The following NAV3 variants were observed in gnomAD, a reference collection of about 807,000 sequenced individuals.
NAV3 encodes the protein neuron navigator 3.
In NAV3, 87 loss-of-function variants were observed where a neutral mutation model predicts 244.7. The ratio of observed to expected loss-of-function variants is 0.36; its 90% CI spans 0.30 to 0.42. NAV3 has a LOEUF of 0.42. NAV3 is among the 20% of genes least tolerant of loss of function. The probability of loss-of-function intolerance (pLI) is 1.00; values close to 1 mark genes in which losing one functional copy is unlikely to be tolerated. For missense variants in NAV3, 2,663 were observed against 2,893.3 expected, an observed-to-expected ratio of 0.92 and a Z score of 1.83; for synonymous variants, 1,126 against 1,042.2, an observed-to-expected ratio of 1.08 and a Z score of -1.55.
chr12:77,958,857 T>C (rs1891609895), intron 3 of NAV3, among the ~76,000 whole-genome samples: 1 of 152,228 alleles, frequency 6.6e-6, no homozygotes, highest in Admixed American at 6.5e-5. Flanking sequence ...CCTGACATAA[T>C]AATAGCAAGT....
intron 3 of NAV3, among the ~76,000 whole-genome samples, chr12:77,964,261 G>T (rs1019497293): frequency 6.6e-6 from 1 of 152,038 alleles, no homozygotes; most frequent in African/African-American, 2.4e-5. Flanking sequence ...GAGCTAATCT[G>T]TTCATGTATA....
rs576234860 is a variant in NAV3, at chr12:77,767,001, G to A, written c.73-173318G>A. Among the ~76,000 whole-genome samples the A allele has an allele frequency of 1.4e-4, 21 of 152,012 alleles. No homozygotes were observed. In the South Asian group the frequency reaches 3.3e-3, roughly 24 times the overall value. ...ACTCCTGACCTCAGGTGATCAGCCC[G>A]CCTTGGCCTCCCAGTGCTGAGATTA... On this transcript the variant is annotated intron_variant, in intron 2 of 8. Transcript: ENST00000550042.
intron 3 of NAV3, among the ~76,000 whole-genome samples, chr12:77,958,092 T>G (rs1396924760): frequency 1.3e-5 from 2 of 152,176 alleles, no homozygotes; most frequent in Non-Finnish European, 2.9e-5. Context: ...TATGTGAAGG[T>G]GATGAAAATT....
intron 6 of NAV3, among the ~76,000 whole-genome samples, chr12:77,996,560 G>T (rs1397222102): frequency 6.6e-6 from 1 of 151,596 alleles, no homozygotes; most frequent in Non-Finnish European, 1.5e-5. Context: ...GTTAGTATTT[G>T]TTTTTTTTCC....
At chr12:78,166,947 C>T (rs1217079323) in intron 23 of NAV3, among the ~76,000 whole-genome samples, 1 of 151,626 alleles carries the variant, frequency 6.6e-6, no homozygotes, top group Non-Finnish European at 1.5e-5. Context: ...GGATAAAAAC[C>T]TGATTTTAAT....
At chr12:77,761,810 T>C (rs1869482036) in intron 2 of NAV3, among the ~76,000 whole-genome samples, 1 of 152,174 alleles carries the variant, frequency 6.6e-6, no homozygotes, top group Non-Finnish European at 1.5e-5. Flanking sequence ...GAAATAGGAA[T>C]GCTTTTACAC....
chr12:78,198,578 T>C, intron 35 of NAV3, 27 bp from the exon 36 acceptor site: 1 of 1,429,930 alleles, frequency 7.0e-7, no homozygotes, highest in Non-Finnish European at 9.7e-7. Flanking sequence ...TCCAGTAAAT[T>C]AAAATTTTCT....
At chr12:78,070,660 T>C (rs1448010556) in intron 12 of NAV3, among the ~76,000 whole-genome samples, 3 of 150,870 alleles carry the variant, frequency 2.0e-5, no homozygotes, top group Non-Finnish European at 4.4e-5. Context: ...CACTAACTAG[T>C]CATCTAGCAT....
chr12:77,675,488 G>A (rs1874165645), intron 2 of NAV3, among the ~76,000 whole-genome samples: 4 of 152,154 alleles, frequency 2.6e-5, no homozygotes, highest in African/African-American at 2.4e-5. Flanking sequence ...ACTGATTATG[G>A]ATTTTAATCA....
intron 1 of NAV3, among the ~76,000 whole-genome samples, chr12:77,938,142 T>C (rs1003788077): frequency 6.6e-6 from 1 of 152,128 alleles, no homozygotes; most frequent in African/African-American, 2.4e-5. Context: ...TCGGCACAAC[T>C]CAAGTCTGAC....
intron 18 of NAV3, chr12:78,130,537 T>G (rs1956117092): frequency 5.0e-6 from 1 of 199,734 alleles, no homozygotes; most frequent in Non-Finnish European, 1.1e-5. Flanking sequence ...GAGGTAGTTG[T>G]ACCACACTCC....
intron 1 of NAV3, among the ~76,000 whole-genome samples, chr12:77,903,079 T>C (rs1885509409): frequency 6.6e-6 from 1 of 152,142 alleles, no homozygotes; most frequent in Non-Finnish European, 1.5e-5. Flanking sequence ...CCAGGTAATT[T>C]ATAGATTCAA....
At chr12:77,788,614 T>A (rs1432300225) in intron 2 of NAV3, among the ~76,000 whole-genome samples, 51 of 152,152 alleles carry the variant, frequency 3.4e-4, no homozygotes, top group Non-Finnish European at 5.9e-5. Flanking sequence ...GGTGCTTTTT[T>A]TTTTTTTTCT....
At chr12:78,073,837 A>G (rs545684646) in intron 12 of NAV3, among the ~76,000 whole-genome samples, 145 of 152,320 alleles carry the variant, frequency 9.5e-4, no homozygotes, top group African/African-American at 3.0e-3. Context: ...TGGTACCAAA[A>G]CAGAGATATA....
chr12:78,106,995 C>T (rs993616401), intron 12 of NAV3, among the ~76,000 whole-genome samples: 1 of 152,182 alleles, frequency 6.6e-6, no homozygotes, highest in Admixed American at 6.5e-5. Context: ...TTACTGCACA[C>T]ACCCATAATC....
intron 2 of NAV3, among the ~76,000 whole-genome samples, chr12:77,659,624 G>A (rs1244536579): frequency 6.6e-6 from 1 of 152,108 alleles, no homozygotes; most frequent in Non-Finnish European, 1.5e-5. Context: ...ATACCCAAAG[G>A]ACTATAAATC....
At chr12:78,208,262 C>G (rs1240117289) in intron 39 of NAV3, among the ~76,000 whole-genome samples, 1 of 152,024 alleles carries the variant, frequency 6.6e-6, no homozygotes, top group African/African-American at 2.4e-5. Flanking sequence ...TCCATTCCCT[C>G]CAGAGTGAGA....
At chr12:78,140,080 C>T (rs1463021251) in intron 19 of NAV3, among the ~76,000 whole-genome samples, 3 of 152,106 alleles carry the variant, frequency 2.0e-5, no homozygotes, top group Non-Finnish European at 4.4e-5. Context: ...AACTGAGGTA[C>T]TTTAGGGAGT....
At chr12:77,696,157 C>T (rs977192807) in intron 2 of NAV3, among the ~76,000 whole-genome samples, 1 of 152,150 alleles carries the variant, frequency 6.6e-6, no homozygotes, top group Admixed American at 6.6e-5. Flanking sequence ...AATAATTTTT[C>T]CTCTTGATAC....
Sources: allele counts gnomAD v4.1 joint callset (sites outside exome capture counted in the v4.1 genomes callset), GRCh38; gene constraint gnomAD v4.1.1; transcripts MANE v1.5; gene names NCBI Gene and HGNC (gene_info 2026-07-23, HGNC 2026-07-21).